Variants in KCTD13 observed in about 807,000 individuals in gnomAD.
KCTD13 encodes the protein BTB/POZ domain-containing adapter for CUL3-mediated RhoA degradation protein 1.
In KCTD13, 15 loss-of-function variants were observed where a neutral mutation model predicts 32.3. The ratio of observed to expected loss-of-function variants is 0.46; its 90% CI spans 0.31 to 0.71. The LOEUF (loss-of-function observed/expected upper bound fraction) is 0.71. Among genes scored for constraint, KCTD13 ranks in the 30% least tolerant of loss-of-function variants. KCTD13 has a pLI of 0.05. For synonymous variants in KCTD13, 189 were observed against 200.1 expected (o/e 0.94, Z 0.47); for missense variants, 337 against 452.6 (o/e 0.74, Z 2.32).
chr16:29,911,749 T>G, intron 4 of KCTD13, 66 bp downstream of exon 4: 1 of 1,576,350 alleles, frequency 6.3e-7, no homozygotes, highest in Non-Finnish European at 8.7e-7. Flanking sequence ...GGCCCTCGCC[T>G]TGGGCAGAAG....
At chr16:29,908,638 C>A (rs953123591) in intron 5 of KCTD13, among the ~76,000 whole-genome samples, 7 of 151,918 alleles carry the variant, frequency 4.6e-5, no homozygotes, top group Non-Finnish European at 1.0e-4. Flanking sequence ...CCCGCCTCAG[C>A]CTCCCAAAGT....
chr16:29,915,605 CAAAAAAAAAAAA>C (rs200326928), intron 2 of KCTD13, among the ~76,000 whole-genome samples: 1 of 118,948 alleles, frequency 8.4e-6, no homozygotes, highest in Non-Finnish European at 1.8e-5. Flanking sequence ...TGAGCTATCT[CAAAAAAAAAAAA>C]AAGAAAAGAA....
intron 3 of KCTD13, 43 bp downstream of exon 3, chr16:29,911,916 GC>G (rs763162309): frequency 2.5e-6 from 4 of 1,608,432 alleles, no homozygotes; most frequent in Non-Finnish European, 3.4e-6. Flanking sequence ...GCAGGGAGAG[GC>G]CCCCCCAGTG....
At chr16:29,908,124 A>C (rs779975786) in intron 5 of KCTD13, among the ~76,000 whole-genome samples, 4 of 152,110 alleles carry the variant, frequency 2.6e-5, no homozygotes, top group Non-Finnish European at 5.9e-5. Context: ...GTGATATTTG[A>C]CCAAAGGAGT....
intron 2 of KCTD13, among the ~76,000 whole-genome samples, chr16:29,915,740 G>A (rs2095557273): frequency 1.3e-5 from 2 of 152,050 alleles, no homozygotes; most frequent in African/African-American, 2.4e-5. Context: ...TATTTCATTC[G>A]ACTGGAAGTC....
intron 2 of KCTD13, chr16:29,912,283 C>G: frequency 1.7e-6 from 1 of 571,820 alleles, no homozygotes; most frequent in Non-Finnish European, 3.0e-6. Context: ...CGGCCACTGG[C>G]TGTGCCCCTG....
At chr16:29,908,526 C>G (rs1348895513) in intron 5 of KCTD13, among the ~76,000 whole-genome samples, 1 of 152,046 alleles carries the variant, frequency 6.6e-6, no homozygotes, top group Non-Finnish European at 1.5e-5. Flanking sequence ...GCTGGGATTA[C>G]AGGCATGTGC....
At chr16:29,915,588 G>A (rs934582953) in intron 2 of KCTD13, among the ~76,000 whole-genome samples, 3 of 150,792 alleles carry the variant, frequency 2.0e-5, no homozygotes, top group African/African-American at 4.9e-5. Flanking sequence ...GGAGGAGGAG[G>A]TTGCAGTGAG....
intron 2 of KCTD13, among the ~76,000 whole-genome samples, chr16:29,912,597 C>T (rs2068735278): frequency 6.6e-6 from 1 of 152,188 alleles, no homozygotes; most frequent in African/African-American, 2.4e-5. Flanking sequence ...TGTGCCACCA[C>T]ACCCAGCTAA....
rs1274247353 is a variant in KCTD13, at chr16:29,925,718, C to G, written c.244+72G>C. Reference sequence around the variant, plus strand: ...CAGAGAGAAGGGGCATGAGGAGCCCCGGTGGTGAGAGACTGCGGGGAACGG... The same window carrying G: ...CAGAGAGAAGGGGCATGAGGAGCCCGGGTGGTGAGAGACTGCGGGGAACGG... On this transcript the variant is annotated intron_variant, in intron 1 of 5. Transcript: ENST00000568000. 2.0e-5 allele frequency: 29 copies of G among 1,429,110 alleles called. No individual in the cohort carries two copies. In the Admixed American group the frequency reaches 3.2e-4, roughly 16 times the overall value. 88.5% of individuals were successfully genotyped at this position (1,429,110 alleles called of 1,614,324 possible).
intron 5 of KCTD13, among the ~76,000 whole-genome samples, chr16:29,909,228 G>A (rs750912900): frequency 5.3e-5 from 8 of 152,164 alleles, no homozygotes; most frequent in Admixed American, 1.3e-4. Flanking sequence ...CTTTAGCTAT[G>A]AAGGGAGTGT....
At chr16:29,912,854 C>G (rs2150836524) in intron 2 of KCTD13, among the ~76,000 whole-genome samples, 1 of 152,318 alleles carries the variant, frequency 6.6e-6, no homozygotes, top group Non-Finnish European at 1.5e-5. Context: ...AGCTGATGCT[C>G]TGTATTTGTT....
intron 5 of KCTD13, 141 bp downstream of exon 5, chr16:29,910,837 C>A (rs1283709401): frequency 3.2e-5 from 22 of 684,754 alleles, no homozygotes; most frequent in Non-Finnish European, 4.9e-5. Context: ...GGGTGGCTTG[C>A]CCACTGTTGT....
At chr16:29,915,773 A>G (rs1277610863) in intron 2 of KCTD13, among the ~76,000 whole-genome samples, 1 of 152,076 alleles carries the variant, frequency 6.6e-6, no homozygotes, top group Non-Finnish European at 1.5e-5. Context: ...TCTTGTTGGT[A>G]TTTCTGAGGT....
chr16:29,925,808 C>A lies in KCTD13; in HGVS notation c.226G>T (p.Val76Leu). The A allele has an allele frequency of 6.2e-7, 1 of 1,613,900 alleles. No homozygotes were observed. Among genetic ancestry groups the A allele is most frequent in the Non-Finnish European group, 8.5e-7 (1 of 1,179,952 alleles). The change falls in exon 1 of 6, where the codon GTG (valine) becomes TTG (leucine). Residue 76 changes from valine (V) to leucine (L), a missense_variant. Val to Leu is a conservative substitution (Grantham distance 32). Coordinates refer to ENST00000568000, the MANE Select transcript of KCTD13 (RefSeq NM_178863.5). ...LKAMFSGRVE[V>L]LTDAGGWVLI... ...CTCGTACCTCCGGCATCGGTCAGCA[C>A]CTCCACGCGGCCGCTGAACATGGCT...
chr16:29,917,991 T>G (rs2068839412), intron 2 of KCTD13, among the ~76,000 whole-genome samples: 1 of 151,514 alleles, frequency 6.6e-6, no homozygotes, highest in Non-Finnish European at 1.5e-5. Flanking sequence ...TAACAGAAAA[T>G]CAGAAAAACA....
chr16:29,920,710 T>C (rs1276406718), intron 2 of KCTD13: 2 of 152,212 alleles, frequency 1.3e-5, no homozygotes, highest in African/African-American at 4.8e-5. Context: ...ACTCATTGGA[T>C]TGGCAAAATT....
At chr16:29,922,839 T>C (rs1411958414) in intron 2 of KCTD13, 9 of 405,318 alleles carry the variant, frequency 2.2e-5, no homozygotes, top group Non-Finnish European at 3.9e-5. Flanking sequence ...TGTTTTTCCC[T>C]AGTGACATGA....
intron 2 of KCTD13, chr16:29,921,816 A>C (rs1426271461): frequency 6.6e-6 from 1 of 152,156 alleles, no homozygotes; most frequent in Non-Finnish European, 1.5e-5. Flanking sequence ...CTAAAAATAC[A>C]AAAAAGTAGC....
Sources: gnomAD v4.1 joint callset for allele counts (sites outside exome capture counted in the v4.1 genomes callset) on GRCh38, gnomAD v4.1.1 for gene constraint, MANE v1.5 for transcripts, NCBI Gene and HGNC (gene_info 2026-07-23, HGNC 2026-07-21) for gene names.